Variants in CNOT10 observed in about 807,000 individuals in gnomAD.
CNOT10 encodes CCR4-NOT transcription complex subunit 10.
In CNOT10, 30 loss-of-function variants were observed where a neutral mutation model predicts 94.6. The ratio of observed to expected loss-of-function variants is 0.32; its 90% CI spans 0.24 to 0.43. The LOEUF is 0.43. Among genes scored for constraint, CNOT10 ranks in the 20% least tolerant of loss-of-function variants. CNOT10 has a pLI of 1.00. For missense variants in CNOT10, 759 were observed against 877.2 expected (o/e 0.87, Z 1.70); for synonymous variants, 289 against 301.6 (o/e 0.96, Z 0.43).
intron 13 of CNOT10, among the ~76,000 whole-genome samples, chr3:32,738,062 C>T (rs1477946517): frequency 6.6e-6 from 1 of 152,110 alleles, no homozygotes; most frequent in African/African-American, 2.4e-5. Flanking sequence ...CAGGATTATG[C>T]TGACCATATA....
At chr3:32,712,754 T>C (rs1484200401) in intron 4 of CNOT10, among the ~76,000 whole-genome samples, 2 of 152,086 alleles carry the variant, frequency 1.3e-5, no homozygotes, top group Non-Finnish European at 2.9e-5. Flanking sequence ...TGAAAGGATC[T>C]CTTGAGCCTA....
intron 10 of CNOT10, among the ~76,000 whole-genome samples, chr3:32,732,633 G>C (rs529823123): frequency 2.0e-5 from 3 of 152,028 alleles, no homozygotes; most frequent in Non-Finnish European, 4.4e-5. Context: ...ATACAGGGGG[G>C]TCTCACTATG....
chr3:32,695,448 C>G (rs1428856422), intron 1 of CNOT10: 2 of 846,456 alleles, frequency 2.4e-6, no homozygotes, highest in African/African-American at 3.4e-5. Flanking sequence ...CTTGATATAT[C>G]AGTGGAGCTG....
chr3:32,685,683 G>A (rs545230047), intron 1 of CNOT10, among the ~76,000 whole-genome samples: 13 of 152,278 alleles, frequency 8.5e-5, no homozygotes, highest in African/African-American at 2.9e-4. Context: ...TTACTCAAGT[G>A]CAGTATTTGA....
In CNOT10 at chr3:32,698,850, A is replaced by G. The variant is rs112280148; in HGVS notation, c.23-5018A>G. On this transcript the variant is annotated intron_variant, in intron 1 of 18. Coordinates refer to ENST00000328834, the MANE Select transcript of CNOT10 (RefSeq NM_015442.3). ...GCCCAGGCTGGAGTGCTTTGGCACA[A>G]TCTCAGCTCACTGCACACTCCACCT... Among the ~76,000 whole-genome samples the G allele has an allele frequency of 2.5e-3, 387 of 152,240 alleles. 3 individuals carry two copies. The highest frequency in any genetic ancestry group is 8.8e-3 in the African/African-American group (365 of 41,544).
intron 13 of CNOT10, chr3:32,753,442 C>T (rs1700051845): frequency 6.5e-7 from 1 of 1,533,702 alleles, no homozygotes. Flanking sequence ...TTTGGTTAAA[C>T]TTCCTTCTGG....
intron 5 of CNOT10, among the ~76,000 whole-genome samples, chr3:32,715,535 C>T (rs1212553011): frequency 6.6e-6 from 1 of 152,114 alleles, no homozygotes; most frequent in African/African-American, 2.4e-5. Flanking sequence ...ATATGATTGG[C>T]AGTGTTCATA....
chr3:32,737,600 G>A lies in CNOT10; in HGVS notation c.1595+110G>A, dbSNP rs1054088478. On this transcript the variant is annotated intron_variant, in intron 13 of 18. Coordinates refer to ENST00000328834, the MANE Select transcript of CNOT10 (RefSeq NM_015442.3). ...AGCACTTTGGGAGGCCGAGGCTGGT[G>A]GATCACTAGGTCAGGAGTTCGAGAC... 8 of 602,294 alleles carry A rather than the reference G, an allele frequency of 1.3e-5. No homozygotes were observed. The East Asian group carries it at 2.0e-4, about 15-fold the overall frequency. 37.3% of individuals were successfully genotyped at this position (602,294 alleles called of 1,614,324 possible).
chr3:32,760,448 G>A (rs370138862), intron 14 of CNOT10, among the ~76,000 whole-genome samples: 11 of 151,290 alleles, frequency 7.3e-5, no homozygotes, highest in East Asian at 2.0e-4. Context: ...CCCAGCCAAC[G>A]TGGTAAAACC....
chr3:32,713,334 T>C lies in CNOT10; in HGVS notation c.538T>C (p.Ser180Pro). 1 of 1,603,266 alleles carries C rather than the reference T, an allele frequency of 6.2e-7. No homozygotes were observed. The highest frequency in any genetic ancestry group is 8.5e-7 in the Non-Finnish European group (1 of 1,177,382). Reference sequence around the variant, plus strand: ...TCTTGCTGTCCTAGAAAAAATGATTTCACAGGGTAACAATAACAAAAATGG... The same window carrying C: ...TCTTGCTGTCCTAGAAAAAATGATTCCACAGGGTAACAATAACAAAAATGG... ...HLLAVLEKMI[S>P]QGNNNKNGKN... Residue 180 changes from serine (S) to proline (P), a missense_variant, in exon 5 of 19, where the codon TCA becomes CCA. Around this residue, in one of 3 missense-constraint regions of CNOT10, gnomAD observed 682 missense variants for 799.4 expected, o/e 0.85. Transcript: ENST00000328834.
chr3:32,770,558 C>A (rs929840906), intron 18 of CNOT10, among the ~76,000 whole-genome samples: 4 of 151,984 alleles, frequency 2.6e-5, no homozygotes, highest in Admixed American at 2.6e-4. Flanking sequence ...ATCTCCTGAC[C>A]TCATGATCTG....
At chr3:32,696,534 T>C (rs75252726) in intron 1 of CNOT10, among the ~76,000 whole-genome samples, 9,307 of 152,248 alleles carry the variant, frequency 0.061, 330 homozygotes, top group African/African-American at 0.09. Flanking sequence ...TTCTGTGAAA[T>C]GTGTGTAGAA....
intron 13 of CNOT10, among the ~76,000 whole-genome samples, chr3:32,739,519 C>CT (rs112765362): frequency 0.1 from 15,598 of 151,838 alleles, 1,060 homozygotes; most frequent in Non-Finnish European, 0.15. Context: ...TCCATAGTGT[C>CT]TTTTTTTTCA....
At chr3:32,717,903 C>CTA (rs1553632153) in intron 7 of CNOT10, among the ~76,000 whole-genome samples, 1 of 152,028 alleles carries the variant, frequency 6.6e-6, no homozygotes, top group Non-Finnish European at 1.5e-5. Context: ...TATTAAAAAT[C>CTA]TAACAGTCAA....
intron 1 of CNOT10, among the ~76,000 whole-genome samples, chr3:32,686,757 A>C (rs1241314402): frequency 6.6e-6 from 1 of 152,234 alleles, no homozygotes; most frequent in South Asian, 2.1e-4. Flanking sequence ...TGTGTTCCCC[A>C]CATTTACCAT....
chr3:32,758,897 CTG>C (rs1454345400), intron 13 of CNOT10, among the ~76,000 whole-genome samples: 2 of 151,982 alleles, frequency 1.3e-5, no homozygotes, highest in African/African-American at 2.4e-5. Flanking sequence ...AGAATAGTAA[CTG>C]TGTGAATAAA....
chr3:32,773,323 C>T, intron 18 of CNOT10, 134 bp from the exon 19 acceptor site: 1 of 862,816 alleles, frequency 1.2e-6, no homozygotes. Context: ...TATGGGATTC[C>T]AGTATACAGC....
intron 3 of CNOT10, among the ~76,000 whole-genome samples, chr3:32,708,053 A>AT (rs201762310): frequency 2.7e-5 from 4 of 148,974 alleles, no homozygotes; most frequent in East Asian, 2.0e-4. Flanking sequence ...ACCCAGCTAA[A>AT]TTTTTTTTTT....
chr3:32,772,968 C>T (rs1700978537), intron 18 of CNOT10, among the ~76,000 whole-genome samples: 1 of 143,676 alleles, frequency 7.0e-6, no homozygotes, highest in Non-Finnish European at 1.5e-5. Flanking sequence ...CAGGTTCAAG[C>T]AGCCCTCCTG....
Sources: allele counts gnomAD v4.1 joint callset (sites outside exome capture counted in the v4.1 genomes callset), GRCh38; gene constraint gnomAD v4.1.1; regional missense constraint gnomAD v4.1.1; transcripts MANE v1.5; gene names NCBI Gene and HGNC (gene_info 2026-07-23, HGNC 2026-07-21).